Variants in PCNX1 observed in about 807,000 individuals in gnomAD.
PCNX1 encodes pecanex-like protein 1.
In PCNX1, 78 loss-of-function variants were observed where a neutral mutation model predicts 242.2. The observed-to-expected ratio is 0.32, with a 90% CI of 0.27 to 0.39. The LOEUF is 0.39. Ranked by LOEUF, PCNX1 falls within the 10% of genes least tolerant of loss-of-function variation. PCNX1 has a pLI of 1.00. For missense variants in PCNX1, 2,581 were observed against 2,856.5 expected, an observed-to-expected ratio of 0.90 and a Z score of 2.20; for synonymous variants, 1,024 against 1,032.9, an observed-to-expected ratio of 0.99 and a Z score of 0.17.
At chr14:70,982,286 G>A (rs2058861716) in intron 6 of PCNX1, among the ~76,000 whole-genome samples, 1 of 152,138 alleles carries the variant, frequency 6.6e-6, no homozygotes, top group African/African-American at 2.4e-5. Flanking sequence ...AGTTCACATG[G>A]AAAGTTAGAA....
intron 19 of PCNX1, among the ~76,000 whole-genome samples, chr14:71,038,556 A>G (rs985736159): frequency 2.0e-5 from 3 of 152,174 alleles, no homozygotes; most frequent in Admixed American, 6.5e-5. Flanking sequence ...AATGGTGATC[A>G]TTAAAAAGTC....
At chr14:71,109,764 G>C in intron 35 of PCNX1, 31 bp from the exon 36 acceptor site, 1 of 1,612,084 alleles carries the variant, frequency 6.2e-7, no homozygotes, top group Non-Finnish European at 8.5e-7. Flanking sequence ...GGTCTCCAGT[G>C]CTAACTTCTT....
At chr14:70,932,574 TTTTTATTTTTATTTATCTAA>T (rs1383089035) in intron 1 of PCNX1, among the ~76,000 whole-genome samples, 1 of 151,666 alleles carries the variant, frequency 6.6e-6, no homozygotes, top group Non-Finnish European at 1.5e-5. Context: ...TCTATTGAAG[TTTTTATTTTTATTTATCTAA>T]TTTTATTTAT....
intron 13 of PCNX1, 62 bp from the exon 14 acceptor site, chr14:71,026,055 C>A (rs552167558): frequency 1.9e-6 from 2 of 1,035,688 alleles, no homozygotes; most frequent in Non-Finnish European, 2.8e-6. Context: ...ATCAGTGATA[C>A]CAGTAGTTAT....
In PCNX1 at chr14:71,114,975, G is replaced by A. The variant is rs2062829571; in HGVS notation, c.*5040G>A. 7.5e-6 allele frequency: 1 copy of A among 133,366 alleles called. No homozygotes were observed. The highest frequency in any genetic ancestry group is 2.7e-5 in the African/African-American group (1 of 36,768). The allele number at this position is 133,366 out of a possible 1,614,324, so 8.3% of individuals were successfully genotyped here. A position where few individuals can be genotyped will look rare whatever the true frequency, so the allele number is the denominator to read the frequency against. On this transcript the variant is annotated 3_prime_UTR_variant, in exon 36 of 36. Coordinates refer to ENST00000304743, the MANE Select transcript of PCNX1 (RefSeq NM_014982.3). ...GGGGGGGGGAATCATGTCTGCTTAT[G>A]CTTTTTAAAAGCTTATAGTTTAAGT...
intron 2 of PCNX1, among the ~76,000 whole-genome samples, chr14:70,959,551 A>G (rs1233957415): frequency 2.0e-5 from 3 of 151,928 alleles, no homozygotes; most frequent in Non-Finnish European, 4.4e-5. Context: ...CCTACAAAGG[A>G]CAGGAACTCA....
intron 19 of PCNX1, among the ~76,000 whole-genome samples, chr14:71,037,727 A>G (rs1285740826): frequency 2.0e-5 from 3 of 152,022 alleles, no homozygotes; most frequent in Non-Finnish European, 4.4e-5. Context: ...AAACTACTTT[A>G]AAGTTCATAT....
intron 28 of PCNX1, among the ~76,000 whole-genome samples, chr14:71,078,460 A>G (rs554911129): frequency 6.6e-6 from 1 of 152,340 alleles, no homozygotes; most frequent in African/African-American, 2.4e-5. Flanking sequence ...CAATGGGAAA[A>G]TGAAAAGATT....
At chr14:71,038,199 G>A (rs1347253475) in intron 19 of PCNX1, among the ~76,000 whole-genome samples, 19 of 72,168 alleles carry the variant, frequency 2.6e-4, no homozygotes, top group African/African-American at 8.3e-4. Context: ...AAAAGCAATG[G>A]CAACAAAAGC....
At chr14:71,102,276 TA>T in intron 31 of PCNX1, 56 bp downstream of exon 31, 3 of 1,399,084 alleles carry the variant, frequency 2.1e-6, no homozygotes, top group South Asian at 1.2e-5. Context: ...TAACTTGATC[TA>T]AAATTTTTTT....
chr14:70,949,631 G>T (rs1423308293), intron 2 of PCNX1, among the ~76,000 whole-genome samples: 1 of 152,024 alleles, frequency 6.6e-6, no homozygotes. Flanking sequence ...TGACTTCTTA[G>T]GATTCAACTG....
At chr14:70,913,761 G>A (rs745786925) in intron 1 of PCNX1, among the ~76,000 whole-genome samples, 2 of 152,124 alleles carry the variant, frequency 1.3e-5, no homozygotes, top group African/African-American at 2.4e-5. Context: ...GACTAAAACA[G>A]GGATTTTCAT....
intron 3 of PCNX1, among the ~76,000 whole-genome samples, chr14:70,965,088 C>T (rs2140502748): frequency 1.3e-5 from 2 of 152,218 alleles, no homozygotes; most frequent in East Asian, 3.9e-4. Context: ...ACAGTGAACC[C>T]ACTGACCATA....
At chr14:71,026,333 G>A in intron 14 of PCNX1, 45 bp downstream of exon 14, 2 of 1,165,348 alleles carry the variant, frequency 1.7e-6, no homozygotes, top group Middle Eastern at 2.7e-4. Flanking sequence ...TAATTTATTT[G>A]TATATCAACA....
intron 6 of PCNX1, among the ~76,000 whole-genome samples, chr14:70,982,897 A>G (rs2058880729): frequency 6.6e-6 from 1 of 152,212 alleles, no homozygotes; most frequent in African/African-American, 2.4e-5. Flanking sequence ...TCAACTGTAA[A>G]ACAGGAATAA....
chr14:71,003,249 A>G (rs1045082614), intron 8 of PCNX1, among the ~76,000 whole-genome samples: 3 of 151,258 alleles, frequency 2.0e-5, no homozygotes, highest in Non-Finnish European at 2.9e-5. Context: ...GTGCCCAGCT[A>G]TTTTTTTATT....
intron 28 of PCNX1, among the ~76,000 whole-genome samples, chr14:71,082,648 T>A (rs541417586): frequency 6.6e-6 from 1 of 152,346 alleles, no homozygotes; most frequent in Admixed American, 6.5e-5. Context: ...AAGTCTGTTT[T>A]ATCAGAGACT....
chr14:71,062,762 C>T (rs978269254), intron 26 of PCNX1, among the ~76,000 whole-genome samples: 3 of 152,200 alleles, frequency 2.0e-5, no homozygotes, highest in African/African-American at 7.2e-5. Context: ...CCTTCACACT[C>T]ACTCACTACT....
At chr14:71,103,727 G>A (rs74329791) in intron 32 of PCNX1, 58 bp downstream of exon 32, 11 of 1,530,174 alleles carry the variant, frequency 7.2e-6, no homozygotes, top group Non-Finnish European at 9.9e-6. Context: ...CTTAATCTAG[G>A]CAGTGTGCAT....
Sources: gnomAD v4.1 joint callset for allele counts (sites outside exome capture counted in the v4.1 genomes callset) on GRCh38, gnomAD v4.1.1 for gene constraint, MANE v1.5 for transcripts, NCBI Gene and HGNC (gene_info 2026-07-23, HGNC 2026-07-21) for gene names.